MAF: variants seen among roughly 807,000 people sequenced by gnomAD.
The protein encoded by MAF is transcription factor Maf.
In MAF, 10 loss-of-function variants were observed where a neutral mutation model predicts 22.0. The ratio of observed to expected loss-of-function variants is 0.45; its 90% CI spans 0.28 to 0.77. The LOEUF (loss-of-function observed/expected upper bound fraction) is 0.77, where lower values mean the gene tolerates loss of function less well. MAF is among the 30% of genes least tolerant of loss of function. The probability of loss-of-function intolerance (pLI) is 0.12; values close to 1 mark genes in which losing one functional copy is unlikely to be tolerated. For synonymous variants in MAF, 337 were observed against 255.8 expected, an observed-to-expected ratio of 1.32 and a Z score of -3.03; for missense variants, 544 against 548.4, an observed-to-expected ratio of 0.99 and a Z score of 0.08.
the MAF span, among the ~76,000 whole-genome samples, chr16:79,520,868 G>A: frequency 3.3e-5 from 5 of 152,076 alleles, no homozygotes; most frequent in African/African-American, 1.2e-4. Flanking sequence ...CATGTGCCTG[G>A]GACCCTGCTA....
chr16:79,226,243 G>C, the MAF span, among the ~76,000 whole-genome samples: 1 of 152,140 alleles, frequency 6.6e-6, no homozygotes, highest in Non-Finnish European at 1.5e-5. Flanking sequence ...CATGGATGAA[G>C]CTGAAAACCA....
chr16:79,204,007 G>A, the MAF span: 3 of 152,252 alleles, frequency 2.0e-5, no homozygotes, highest in South Asian at 6.2e-4. Flanking sequence ...GGCCCAGTTG[G>A]AAAATTTCAG....
the MAF span, among the ~76,000 whole-genome samples, chr16:79,315,191 T>A: frequency 6.6e-6 from 1 of 152,214 alleles, no homozygotes; most frequent in Non-Finnish European, 1.5e-5. Context: ...ATATCATTCC[T>A]GCCCTTGTGG....
At chr16:79,376,467 TTTTTG>T in the MAF span, among the ~76,000 whole-genome samples, 7 of 152,126 alleles carry the variant, frequency 4.6e-5, no homozygotes, top group South Asian at 2.1e-4. Context: ...ACTCACATGT[TTTTTG>T]TTTTGTTTTG....
the MAF span, among the ~76,000 whole-genome samples, chr16:79,518,673 A>G: frequency 6.6e-6 from 1 of 152,254 alleles, no homozygotes; most frequent in Non-Finnish European, 1.5e-5. Flanking sequence ...TAATATATGT[A>G]AAACATTGAA....
chr16:79,323,567 G>A, the MAF span, among the ~76,000 whole-genome samples: 3 of 152,084 alleles, frequency 2.0e-5, no homozygotes, highest in Non-Finnish European at 2.9e-5. Context: ...AGAAGTGGCC[G>A]AGTTTTGGAA....
chr16:79,375,759 C>A, the MAF span, among the ~76,000 whole-genome samples: 1 of 152,146 alleles, frequency 6.6e-6, no homozygotes, highest in Non-Finnish European at 1.5e-5. Flanking sequence ...GTAGTTTACA[C>A]CCAATGAAAT....
the MAF span, among the ~76,000 whole-genome samples, chr16:79,324,621 G>C: frequency 1.3e-5 from 2 of 152,122 alleles, no homozygotes; most frequent in African/African-American, 2.4e-5. Context: ...AAAACACCTA[G>C]GTAGTAAGCA....
At chr16:79,493,811 G>T in the MAF span, among the ~76,000 whole-genome samples, 2 of 151,850 alleles carry the variant, frequency 1.3e-5, no homozygotes, top group Admixed American at 6.6e-5. Flanking sequence ...GAGAAAACAA[G>T]TTCCAAGGAA....
At chr16:79,228,409 G>C in the MAF span, among the ~76,000 whole-genome samples, 4 of 151,998 alleles carry the variant, frequency 2.6e-5, no homozygotes, top group Admixed American at 2.6e-4. Context: ...ATAAAATCAA[G>C]AAAGAATGGC....
the MAF span, among the ~76,000 whole-genome samples, chr16:79,316,047 A>G: frequency 6.6e-6 from 1 of 152,160 alleles, no homozygotes; most frequent in Non-Finnish European, 1.5e-5. Context: ...AATTGTTGTC[A>G]TTTTCATGAG....
the MAF span, among the ~76,000 whole-genome samples, chr16:79,532,552 G>A: frequency 6.6e-6 from 1 of 152,144 alleles, no homozygotes; most frequent in African/African-American, 2.4e-5. Context: ...AAATTATCTG[G>A]CTTCTATAAA....
chr16:79,452,636 G>A, the MAF span, among the ~76,000 whole-genome samples: 3 of 152,136 alleles, frequency 2.0e-5, no homozygotes, highest in Non-Finnish European at 4.4e-5. Flanking sequence ...TCGTGCATCA[G>A]ACTTGCTATT....
the MAF span, among the ~76,000 whole-genome samples, chr16:79,576,825 T>C: frequency 6.6e-6 from 1 of 152,272 alleles, no homozygotes; most frequent in East Asian, 1.9e-4. Context: ...TTACCATATT[T>C]AGTCCTCTAC....
the MAF span, among the ~76,000 whole-genome samples, chr16:79,217,106 G>A: frequency 6.3e-3 from 956 of 152,276 alleles, 14 homozygotes; most frequent in African/African-American, 0.021. Context: ...CATCGCACCC[G>A]GTGTCATCTG....
At chr16:79,236,623 G>T in the MAF span, among the ~76,000 whole-genome samples, 1 of 152,026 alleles carries the variant, frequency 6.6e-6, no homozygotes, top group Non-Finnish European at 1.5e-5. Flanking sequence ...GAAGAAATTA[G>T]GGAATACTCT....
chr16:79,271,004 G>A, the MAF span, among the ~76,000 whole-genome samples: 3 of 151,496 alleles, frequency 2.0e-5, no homozygotes, highest in East Asian at 1.9e-4. Flanking sequence ...GGGTTCAAGT[G>A]ATTCTCCTGC....
the MAF span, among the ~76,000 whole-genome samples, chr16:79,394,779 C>G: frequency 6.6e-6 from 1 of 152,138 alleles, no homozygotes; most frequent in African/African-American, 2.4e-5. Flanking sequence ...TGGGGTGCAA[C>G]CTAGGTAGCA....
the MAF span, among the ~76,000 whole-genome samples, chr16:79,370,362 A>T: frequency 2.6e-5 from 4 of 152,136 alleles, no homozygotes; most frequent in African/African-American, 7.2e-5. Flanking sequence ...CACCCCCAAA[A>T]TCTGGAGCAC....
Sources: allele counts gnomAD v4.1 joint callset (sites outside exome capture counted in the v4.1 genomes callset), GRCh38; gene constraint gnomAD v4.1.1; transcripts MANE v1.5; gene names NCBI Gene and HGNC (gene_info 2026-07-23, HGNC 2026-07-21).